CSMD1: variants seen among roughly 807,000 people sequenced by gnomAD.
The protein encoded by CSMD1 is CUB and sushi domain-containing protein 1.
CSMD1 carries 213 observed loss-of-function variants against 417.5 expected under a neutral mutation model. The ratio of observed to expected loss-of-function variants is 0.51; its 90% CI spans 0.46 to 0.57. CSMD1 has a LOEUF of 0.57. Ranked by LOEUF, CSMD1 falls within the 20% of genes least tolerant of loss-of-function variation. CSMD1 has a pLI of 0.00. For missense variants in CSMD1, 6,923 were observed against 4,529.7 expected (o/e 1.53, Z -15.17); for synonymous variants, 2,862 against 1,736.8 (o/e 1.65, Z -16.11).
intron 5 of CSMD1, among the ~76,000 whole-genome samples, chr8:3,766,513 T>A (rs952114999): frequency 6.6e-6 from 1 of 152,112 alleles, no homozygotes; most frequent in Admixed American, 6.5e-5. Context: ...TTGCCTCCTA[T>A]AATACTTGGA....
intron 5 of CSMD1, among the ~76,000 whole-genome samples, chr8:3,983,887 G>A (rs1199865949): frequency 6.6e-6 from 1 of 151,898 alleles, no homozygotes; most frequent in Non-Finnish European, 1.5e-5. Context: ...TAATGGGACT[G>A]TCAATTGCAG....
chr8:4,360,854 TTATC>T (rs766654774), intron 3 of CSMD1, among the ~76,000 whole-genome samples: 3 of 152,252 alleles, frequency 2.0e-5, no homozygotes, highest in East Asian at 1.9e-4. Context: ...CTGGTCTCCT[TTATC>T]TATCTTTAAT....
intron 2 of CSMD1, among the ~76,000 whole-genome samples, chr8:4,423,021 T>C (rs1461663766): frequency 6.6e-6 from 1 of 151,958 alleles, no homozygotes; most frequent in Non-Finnish European, 1.5e-5. Context: ...TTGGAAGGAA[T>C]CTTCTCCAAC....
At chr8:4,630,881 C>T (rs189537553) in intron 2 of CSMD1, among the ~76,000 whole-genome samples, 1 of 152,282 alleles carries the variant, frequency 6.6e-6, no homozygotes, top group Non-Finnish European at 1.5e-5. Flanking sequence ...GATCCTCCCT[C>T]ACCCTGTGCT....
At chr8:3,804,730 C>T (rs1800634804) in intron 5 of CSMD1, among the ~76,000 whole-genome samples, 1 of 152,120 alleles carries the variant, frequency 6.6e-6, no homozygotes, top group African/African-American at 2.4e-5. Context: ...ATGATATTTG[C>T]TTCAACTGAT....
At chr8:4,021,651 C>A (rs1404195665) in intron 4 of CSMD1, among the ~76,000 whole-genome samples, 1 of 152,208 alleles carries the variant, frequency 6.6e-6, no homozygotes, top group East Asian at 1.9e-4. Flanking sequence ...CTCTCCCCAT[C>A]CCTTTTCTCT....
At chr8:4,205,063 CCA>C (rs527841424) in intron 3 of CSMD1, among the ~76,000 whole-genome samples, 8 of 152,174 alleles carry the variant, frequency 5.3e-5, no homozygotes, top group African/African-American at 1.9e-4. Flanking sequence ...CATAACAATG[CCA>C]CAGAGTTTAC....
chr8:3,009,535 A>T (rs1808220423), intron 52 of CSMD1, among the ~76,000 whole-genome samples: 1 of 152,182 alleles, frequency 6.6e-6, no homozygotes, highest in African/African-American at 2.4e-5. Context: ...GGTGCATCAG[A>T]TTCACTTATA....
intron 54 of CSMD1, among the ~76,000 whole-genome samples, chr8:2,984,367 G>A (rs145423245): frequency 2.0e-5 from 3 of 151,854 alleles, no homozygotes; most frequent in African/African-American, 4.8e-5. Context: ...TTTTTCCCCC[G>A]AGACCACGTC....
chr8:3,407,880 A>G lies in CSMD1; in HGVS notation c.2071+19T>C. 1 of 1,576,770 alleles carries G rather than the reference A, an allele frequency of 6.3e-7. No individual in the cohort carries two copies. Among genetic ancestry groups the G allele is most frequent in the Non-Finnish European group, 8.6e-7 (1 of 1,157,166 alleles). ...GTAAAATGAGAACTTGGATGTGTTGACTGTGTGGGCGTACTTACTGGTGTA... is the reference window on the plus strand; with the variant it reads ...GTAAAATGAGAACTTGGATGTGTTGGCTGTGTGGGCGTACTTACTGGTGTA... On this transcript the variant is annotated intron_variant, in intron 14 of 69. Transcript: ENST00000635120.
At chr8:4,910,618 C>T (rs940236339) in intron 1 of CSMD1, among the ~76,000 whole-genome samples, 4 of 152,146 alleles carry the variant, frequency 2.6e-5, no homozygotes, top group Non-Finnish European at 5.9e-5. Context: ...AAAGTCTGCT[C>T]CTCCAAATAT....
Position 4,269,080 on chromosome 8 carries a change from G to A in CSMD1, c.415+150873C>T, listed in dbSNP as rs531469994. 5.3e-5 allele frequency among the ~76,000 whole-genome samples: 8 copies of A among 152,144 alleles called. No homozygotes were observed. In the South Asian group the frequency reaches 1.0e-3, roughly 20 times the overall value. On this transcript the variant is annotated intron_variant, in intron 3 of 69. Transcript: ENST00000635120. ...TTTTTGTTGTTTTTGTTTTTGAGAC[G>A]GAGTCTCACTTTGTCGCCCAGGCTG...
intron 3 of CSMD1, among the ~76,000 whole-genome samples, chr8:4,391,254 C>T (rs1412711629): frequency 6.6e-6 from 1 of 152,150 alleles, no homozygotes; most frequent in East Asian, 1.9e-4. Context: ...CATAACTCCC[C>T]CACTCACTGC....
intron 3 of CSMD1, among the ~76,000 whole-genome samples, chr8:4,155,400 C>T (rs1046872560): frequency 6.6e-6 from 1 of 152,172 alleles, no homozygotes; most frequent in Non-Finnish European, 1.5e-5. Flanking sequence ...ATTCCTTTTA[C>T]TTTATAAATC....
At chr8:3,192,474 C>T (rs1381971991) in intron 33 of CSMD1, among the ~76,000 whole-genome samples, 1 of 152,162 alleles carries the variant, frequency 6.6e-6, no homozygotes, top group African/African-American at 2.4e-5. Context: ...AAGATGATGA[C>T]TTAGTTTATG....
rs1260748535 is a variant in CSMD1, at chr8:3,359,403, G to C, written c.3116-63C>G. 5 of 985,006 alleles carry C rather than the reference G, an allele frequency of 5.1e-6. No homozygotes were observed. The African/African-American group carries it at 7.1e-5, about 14-fold the overall frequency. The allele number at this position is 985,006 out of a possible 1,614,324, so 61.0% of individuals were successfully genotyped here. On this transcript the variant is annotated intron_variant, in intron 20 of 69. Transcript: ENST00000635120. Reference sequence around the variant, plus strand: ...TGGGTAAATACACAAAGATTAAATAGCAAGAATAAAAAGTGCTATTACTAA... The same window carrying C: ...TGGGTAAATACACAAAGATTAAATACCAAGAATAAAAAGTGCTATTACTAA...
intron 3 of CSMD1, among the ~76,000 whole-genome samples, chr8:4,340,452 G>C (rs1800410077): frequency 6.6e-6 from 1 of 152,082 alleles, no homozygotes; most frequent in Admixed American, 6.6e-5. Flanking sequence ...TTCCTTGAAG[G>C]AATTATGGGT....
intron 5 of CSMD1, among the ~76,000 whole-genome samples, chr8:3,819,745 T>C (rs1413081430): frequency 6.6e-6 from 1 of 152,134 alleles, no homozygotes. Context: ...TGTGGTACCA[T>C]GATCAGCTAA....
chr8:4,397,085 T>A (rs1428065855), intron 3 of CSMD1, among the ~76,000 whole-genome samples: 2 of 152,088 alleles, frequency 1.3e-5, no homozygotes, highest in Non-Finnish European at 2.9e-5. Context: ...CACTTCCCCA[T>A]CTCTCTTTTC....
Sources: gnomAD v4.1 joint callset for allele counts (sites outside exome capture counted in the v4.1 genomes callset) on GRCh38, gnomAD v4.1.1 for gene constraint, MANE v1.5 for transcripts, NCBI Gene and HGNC (gene_info 2026-07-23, HGNC 2026-07-21) for gene names.